The following FAP variants were observed in gnomAD, a reference collection of about 807,000 sequenced individuals.
FAP encodes the protein fibroblast activation protein alpha, also known as prolyl endopeptidase FAP.
A neutral mutation model predicts 126.5 loss-of-function variants in FAP; 110 were observed. The observed-to-expected ratio is 0.87, with a 90% CI of 0.74 to 1.02. The LOEUF (loss-of-function observed/expected upper bound fraction) is 1.02. FAP is among the 50% of genes least tolerant of loss of function. FAP has a pLI of 0.00. For synonymous variants in FAP, 334 were observed against 297.3 expected, an observed-to-expected ratio of 1.12 and a Z score of -1.27; for missense variants, 919 against 909.2, an observed-to-expected ratio of 1.01 and a Z score of -0.14.
chr2:162,181,510 C>G (rs559062252), intron 21 of FAP, among the ~76,000 whole-genome samples: 1 of 152,302 alleles, frequency 6.6e-6, no homozygotes, highest in Non-Finnish European at 1.5e-5. Context: ...CTCTTTAACT[C>G]AGGTCCTGGG....
chr2:162,178,500 C>G (rs1462007521), intron 21 of FAP, among the ~76,000 whole-genome samples: 1 of 152,132 alleles, frequency 6.6e-6, no homozygotes, highest in African/African-American at 2.4e-5. Flanking sequence ...AAAAATGCCT[C>G]CAGACGTTGT....
intron 20 of FAP, among the ~76,000 whole-genome samples, chr2:162,187,338 G>T (rs999079398): frequency 4.6e-5 from 7 of 151,968 alleles, no homozygotes; most frequent in Non-Finnish European, 7.4e-5. Context: ...TTGACCTTTA[G>T]CTCCTCACAT....
intron 12 of FAP, among the ~76,000 whole-genome samples, chr2:162,203,963 G>A (rs1209353932): frequency 6.6e-6 from 1 of 152,070 alleles, no homozygotes; most frequent in Non-Finnish European, 1.5e-5. Context: ...TCTTACATTT[G>A]CTGACTTTTT....
chr2:162,213,911 C>T (rs368525832), intron 11 of FAP, 27 bp downstream of exon 11: 30 of 1,603,042 alleles, frequency 1.9e-5, no homozygotes, highest in African/African-American at 1.6e-4. Flanking sequence ...TTCAGAAATA[C>T]GTATCTGTGA....
intron 2 of FAP, among the ~76,000 whole-genome samples, chr2:162,232,496 G>T (rs35701596): frequency 0.044 from 6,745 of 152,150 alleles, 204 homozygotes; most frequent in Admixed American, 0.065. Flanking sequence ...CACACAAAGG[G>T]GTAGAATAAT....
At chr2:162,226,080 A>T (rs1689634670) in intron 3 of FAP, among the ~76,000 whole-genome samples, 4 of 152,162 alleles carry the variant, frequency 2.6e-5, no homozygotes, top group Admixed American at 2.6e-4. Context: ...TTGCTTTATA[A>T]CATCCTATTT....
At chr2:162,225,361 G>T in intron 4 of FAP, 122 bp downstream of exon 4, 1 of 1,244,216 alleles carries the variant, frequency 8.0e-7, no homozygotes, top group South Asian at 1.4e-5. Context: ...AGACTCTAGT[G>T]GAGTATGGAG....
intron 9 of FAP, 23 bp downstream of exon 9, chr2:162,217,963 A>T: frequency 6.6e-7 from 1 of 1,520,506 alleles, no homozygotes; most frequent in Non-Finnish European, 8.9e-7. Flanking sequence ...AAATGAAAGC[A>T]TCGCTGAAAG....
chr2:162,235,814 C>T (rs1690108282), intron 2 of FAP, among the ~76,000 whole-genome samples: 1 of 152,224 alleles, frequency 6.6e-6, no homozygotes, highest in South Asian at 2.1e-4. Context: ...TGGGTCCATA[C>T]TGCCTTTATG....
intron 7 of FAP, 30 bp downstream of exon 7, chr2:162,219,823 A>G (rs1308344208): frequency 3.4e-6 from 5 of 1,485,174 alleles, no homozygotes; most frequent in Non-Finnish European, 4.7e-6. Context: ...TATTTACATG[A>G]TTAAACACTT....
At position 162,213,126 on chromosome 2, in the gene FAP, C is replaced by T. The variant is rs145415683; in HGVS notation, c.1002+812G>A. On this transcript the variant is annotated intron_variant, in intron 11 of 25. Coordinates refer to ENST00000188790, the MANE Select transcript of FAP (RefSeq NM_004460.5). ...GGTGCAGTGGCTCATGCCTGTAATC[C>T]CAGTACTTTGGGAGGCTGAGGCGGG... Among the ~76,000 whole-genome samples the T allele has an allele frequency of 2.4e-3, 364 of 151,842 alleles. 1 individual carries two copies. The highest frequency in any genetic ancestry group is 8.2e-3 in the African/African-American group (340 of 41,386).
chr2:162,203,048 T>C lies in FAP; in HGVS notation c.1145A>G (p.Asp382Gly). Residue 382 changes from aspartate to glycine, a missense_variant, in exon 13 of 26, where the codon GAC becomes GGC. Asp to Gly is a moderately conservative substitution (Grantham distance 94). Transcript: ENST00000188790. ...ATCTTGGAAGGAACGTACCACAGTG[T>C]CTTTGATATAGTGAATATGTTTGTA... ...DGYKHIHYIK[D>G]TVENAIQITS... is the part of the protein sequence containing the mutation. 5 of 1,611,540 alleles carry C rather than the reference T, an allele frequency of 3.1e-6. No individual in the cohort carries two copies. The highest frequency in any genetic ancestry group is 4.2e-6 in the Non-Finnish European group (5 of 1,177,708).
At chr2:162,190,237 A>G (rs1410740585) in intron 17 of FAP, among the ~76,000 whole-genome samples, 1 of 152,054 alleles carries the variant, frequency 6.6e-6, no homozygotes, top group African/African-American at 2.4e-5. Context: ...TATTTCTGTG[A>G]TTTTTAAAAT....
intron 21 of FAP, among the ~76,000 whole-genome samples, chr2:162,179,262 T>C (rs1687601625): frequency 6.6e-6 from 1 of 151,720 alleles, no homozygotes; most frequent in African/African-American, 2.4e-5. Context: ...TTTTTTTTTT[T>C]TTGCTAGTCT....
At chr2:162,240,955 G>C (rs1028568925) in intron 2 of FAP, among the ~76,000 whole-genome samples, 2 of 152,104 alleles carry the variant, frequency 1.3e-5, no homozygotes, top group African/African-American at 4.8e-5. Flanking sequence ...AAAATTAGGA[G>C]GCCACCACGC....
intron 17 of FAP, among the ~76,000 whole-genome samples, chr2:162,192,817 A>C (rs762760295): frequency 9.9e-5 from 15 of 152,150 alleles, no homozygotes; most frequent in Non-Finnish European, 2.1e-4. Flanking sequence ...AATCATCCAA[A>C]TAGCATTATC....
chr2:162,189,519 A>C (rs1433403694), intron 18 of FAP, 137 bp downstream of exon 18: 2 of 595,158 alleles, frequency 3.4e-6, no homozygotes, highest in African/African-American at 3.9e-5. Flanking sequence ...TTGTTACAGT[A>C]AGATTATTTT....
In FAP at chr2:162,213,992, C is replaced by A; in HGVS notation, c.948G>T (p.Ser316=). The A allele has an allele frequency of 3.1e-6, 5 of 1,613,934 alleles. No individual in the cohort carries two copies. The highest frequency in any genetic ancestry group is 4.2e-6 in the Non-Finnish European group (5 of 1,179,948). ...CCCTGAAGTCACATATAGACAGGACCGAAACATTCTGGACTCTTTTTAGCC... is the reference window on the plus strand; with the variant it reads ...CCCTGAAGTCACATATAGACAGGACAGAAACATTCTGGACTCTTTTTAGCC... ...LQWLKRVQNV[S]VLSICDFRED... Residue 316 remains serine, a synonymous_variant, in exon 11 of 26, where the codon TCG becomes TCT. Coordinates refer to ENST00000188790, the MANE Select transcript of FAP (RefSeq NM_004460.5).
intron 25 of FAP, chr2:162,171,922 A>G (rs1687317722): frequency 6.6e-6 from 1 of 152,122 alleles, no homozygotes; most frequent in Non-Finnish European, 1.5e-5. Context: ...TGGGAAAATT[A>G]TAATTATTCT....
Sources: gnomAD v4.1 joint callset for allele counts (sites outside exome capture counted in the v4.1 genomes callset) on GRCh38, gnomAD v4.1.1 for gene constraint, MANE v1.5 for transcripts, NCBI Gene and HGNC (gene_info 2026-07-23, HGNC 2026-07-21) for gene names.